GFRA2: variants seen among roughly 807,000 people sequenced by gnomAD.
GFRA2 encodes the protein GDNF family receptor alpha-2.
In GFRA2, 17 loss-of-function variants were observed where a neutral mutation model predicts 48.3. The ratio of observed to expected loss-of-function variants is 0.35; its 90% confidence interval spans 0.24 to 0.53. GFRA2 has a LOEUF of 0.53. GFRA2 is among the 20% of genes least tolerant of loss of function. GFRA2 has a pLI of 0.93. For synonymous variants in GFRA2, 305 were observed against 257.2 expected (o/e 1.19, Z -1.78); for missense variants, 660 against 637.3 (o/e 1.04, Z -0.38).
chr8:21,788,176 C>G lies in GFRA2; in HGVS notation c.-17G>C, dbSNP rs1340868735. 6.2e-7 allele frequency: 1 copy of G among 1,601,344 alleles called. No individual in the cohort carries two copies. Among genetic ancestry groups the G allele is most frequent in the African/African-American group, 1.4e-5 (1 of 73,852 alleles). Reference sequence around the variant, plus strand: ...CAAGATCATGTTAAATAAATCCCACCGTTTTTTTGTCTTTCTCCCTTGGGT... The same window carrying G: ...CAAGATCATGTTAAATAAATCCCACGGTTTTTTTGTCTTTCTCCCTTGGGT... On this transcript the variant is annotated 5_prime_UTR_variant, in exon 1 of 9. Transcript: ENST00000524240.
intron 2 of GFRA2, among the ~76,000 whole-genome samples, chr8:21,797,287 CTTTTTT>C (rs1159867192): frequency 2.9e-4 from 25 of 85,646 alleles, no homozygotes; most frequent in African/African-American, 1.0e-3. Context: ...CCTTTCTTTG[CTTTTTT>C]TTTTTTTTTT....
intron 8 of GFRA2, among the ~76,000 whole-genome samples, chr8:21,694,071 T>TATATATATATATATATATATATATA (rs1563209393): frequency 1.4e-5 from 1 of 71,050 alleles, no homozygotes; most frequent in Non-Finnish European, 3.1e-5. Context: ...ATATATTTAT[T>TATATATATATATATATATATATATA]TATTTTTATA....
chr8:21,749,679 T>TTA (rs144510198), intron 4 of GFRA2, among the ~76,000 whole-genome samples: 9,199 of 151,756 alleles, frequency 0.061, 675 homozygotes, highest in African/African-American at 0.18. Context: ...AAAGTCCCTT[T>TTA]TATATATATA....
intron 3 of GFRA2, among the ~76,000 whole-genome samples, chr8:21,760,058 C>G (rs189599188): frequency 5.9e-5 from 9 of 152,104 alleles, no homozygotes; most frequent in Non-Finnish European, 2.9e-5. Context: ...GCACAAAGGT[C>G]CTGAGACAGC....
intron 3 of GFRA2, among the ~76,000 whole-genome samples, chr8:21,751,865 A>C (rs970923456): frequency 2.6e-5 from 4 of 152,166 alleles, no homozygotes; most frequent in Non-Finnish European, 5.9e-5. Context: ...TAAAAGCGCA[A>C]GAGGAGGGCC....
chr8:21,709,788 G>A (rs1802926819), intron 4 of GFRA2, among the ~76,000 whole-genome samples: 1 of 152,182 alleles, frequency 6.6e-6, no homozygotes, highest in Admixed American at 6.5e-5. Context: ...TCCCATCCCT[G>A]ACATTGGGAA....
chr8:21,723,862 T>C (rs1803727235), intron 4 of GFRA2, among the ~76,000 whole-genome samples: 1 of 152,092 alleles, frequency 6.6e-6, no homozygotes, highest in Admixed American at 6.5e-5. Context: ...TCTGGGGTGC[T>C]AGGTCAAAGG....
chr8:21,786,243 T>C (rs1362318802), intron 1 of GFRA2, among the ~76,000 whole-genome samples: 1 of 152,154 alleles, frequency 6.6e-6, no homozygotes, highest in East Asian at 1.9e-4. Flanking sequence ...CAGCCACTTC[T>C]GAAAAGGAGA....
At chr8:21,717,678 A>T (rs187563677) in intron 4 of GFRA2, among the ~76,000 whole-genome samples, 36 of 152,330 alleles carry the variant, frequency 2.4e-4, no homozygotes, top group Non-Finnish European at 2.1e-4. Flanking sequence ...CTATCCTAAG[A>T]CAAAGTGGCT....
In GFRA2 at chr8:21,735,251, G is replaced by C. The variant is rs1804394369; in HGVS notation, c.794+15337C>G. Among the ~76,000 whole-genome samples, 4 of 152,126 alleles carry C rather than the reference G, an allele frequency of 2.6e-5. No homozygotes were observed. The South Asian group carries it at 8.3e-4, about 32-fold the overall frequency. On this transcript the variant is annotated intron_variant, in intron 4 of 8. Coordinates refer to ENST00000524240, the MANE Select transcript of GFRA2 (RefSeq NM_001495.5). Reference sequence around the variant, plus strand: ...ACAAAGGTGAAGTCTTGCATCCCATGGAGTCCATCAACCATGTTTTCAGGC... The same window carrying C: ...ACAAAGGTGAAGTCTTGCATCCCATCGAGTCCATCAACCATGTTTTCAGGC...
chr8:21,761,914 T>G (rs1316314840), intron 3 of GFRA2, among the ~76,000 whole-genome samples: 4 of 151,962 alleles, frequency 2.6e-5, no homozygotes, highest in Non-Finnish European at 5.9e-5. Flanking sequence ...CTGTCACCAC[T>G]GTACTCCAGC....
At chr8:21,693,815 G>GA (rs1563209133) in intron 8 of GFRA2, among the ~76,000 whole-genome samples, 1 of 348 alleles carries the variant, frequency 2.9e-3, no homozygotes, top group Non-Finnish European at 7.7e-3. Context: ...AAGGGGAGGG[G>GA]AGGGGAGACA....
At chr8:21,753,410 C>T (rs2117606669) in intron 3 of GFRA2, among the ~76,000 whole-genome samples, 1 of 152,312 alleles carries the variant, frequency 6.6e-6, no homozygotes, top group South Asian at 2.1e-4. Flanking sequence ...GAGTTCGAGG[C>T]CAGACTGGCC....
chr8:21,781,655 A>ACCC (rs112353213), intron 2 of GFRA2, among the ~76,000 whole-genome samples: 12 of 151,198 alleles, frequency 7.9e-5, no homozygotes, highest in East Asian at 3.9e-4. Flanking sequence ...ATTTATCCGC[A>ACCC]CCTCCCCAGA....
intron 4 of GFRA2, among the ~76,000 whole-genome samples, chr8:21,716,489 G>A (rs1803343071): frequency 1.3e-5 from 2 of 152,148 alleles, no homozygotes; most frequent in African/African-American, 2.4e-5. Context: ...AGGACTGCAG[G>A]AGTGTTGGAG....
chr8:21,794,257 T>A (rs1807629666), intron 2 of GFRA2, among the ~76,000 whole-genome samples: 1 of 143,654 alleles, frequency 7.0e-6, no homozygotes, highest in Non-Finnish European at 1.5e-5. Context: ...TTTTTTTTTT[T>A]TTTGAAACGG....
intron 4 of GFRA2, among the ~76,000 whole-genome samples, chr8:21,726,128 A>T (rs1321167480): frequency 6.6e-6 from 1 of 151,930 alleles, no homozygotes; most frequent in Non-Finnish European, 1.5e-5. Flanking sequence ...GTCATCCCTC[A>T]CCCTGGGTGG....
At chr8:21,789,457 G>T (rs371197358), upstream of GFRA2, among the ~76,000 whole-genome samples, 3 of 152,112 alleles carry the variant, frequency 2.0e-5, no homozygotes, top group East Asian at 3.9e-4. Flanking sequence ...GGCTCGGGGG[G>T]CAGGGCGTTA....
At chr8:21,728,967 G>T (rs558012708) in intron 4 of GFRA2, among the ~76,000 whole-genome samples, 70 of 152,284 alleles carry the variant, frequency 4.6e-4, no homozygotes, top group African/African-American at 1.7e-3. Flanking sequence ...CAGCAGAATC[G>T]GGCATTTAGG....
Sources: allele counts gnomAD v4.1 joint callset (sites outside exome capture counted in the v4.1 genomes callset), GRCh38; gene constraint gnomAD v4.1.1; transcripts MANE v1.5; gene names NCBI Gene and HGNC (gene_info 2026-07-23, HGNC 2026-07-21).